Variants in RASA3 observed in about 807,000 individuals in gnomAD.
RASA3 encodes the protein RAS p21 protein activator 3.
RASA3 carries 73 observed loss-of-function variants against 110.0 expected under a neutral mutation model. That is an observed-to-expected ratio of 0.66 (90% CI 0.55 to 0.81). The LOEUF (loss-of-function observed/expected upper bound fraction) is 0.81, where lower values mean the gene tolerates loss of function less well. Ranked by LOEUF, RASA3 falls within the 30% of genes least tolerant of loss-of-function variation. The probability of loss-of-function intolerance (pLI) is 0.00; values close to 1 mark genes in which losing one functional copy is unlikely to be tolerated. For missense variants in RASA3, 976 were observed against 1,113.2 expected, an observed-to-expected ratio of 0.88 and a Z score of 1.75; for synonymous variants, 500 against 451.4, an observed-to-expected ratio of 1.11 and a Z score of -1.37.
chr13:114,108,216 T>G (rs1594464422), intron 1 of RASA3, among the ~76,000 whole-genome samples: 1 of 129,560 alleles, frequency 7.7e-6, no homozygotes, highest in African/African-American at 3.0e-5. Context: ...CATCACCCCG[T>G]GTCTGTCACC....
intron 1 of RASA3, among the ~76,000 whole-genome samples, chr13:114,098,621 A>G (rs1334385510): frequency 6.6e-6 from 1 of 151,876 alleles, no homozygotes. Flanking sequence ...AGGAAACCCC[A>G]TGGCCGGGAT....
At chr13:113,996,851 G>A in intron 20 of RASA3, 112 bp from the exon 21 acceptor site, 1 of 961,036 alleles carries the variant, frequency 1.0e-6, no homozygotes, top group Non-Finnish European at 1.6e-6. Flanking sequence ...AGGGGACGCT[G>A]AGGGTGCACA....
chr13:114,040,932 C>T, intron 4 of RASA3, 68 bp downstream of exon 4: 1 of 1,451,722 alleles, frequency 6.9e-7, no homozygotes, highest in Non-Finnish European at 9.6e-7. Flanking sequence ...ACAGTCGGAG[C>T]CGGGCCCGTC....
At chr13:113,989,858 G>A (rs887133841) in intron 22 of RASA3, among the ~76,000 whole-genome samples, 1 of 152,218 alleles carries the variant, frequency 6.6e-6, no homozygotes, top group African/African-American at 2.4e-5. Context: ...CTGAGGAGAT[G>A]GGAGATGGTT....
intron 1 of RASA3, among the ~76,000 whole-genome samples, chr13:114,094,195 G>C (rs528158467): frequency 1.3e-5 from 2 of 152,042 alleles, no homozygotes; most frequent in African/African-American, 4.8e-5. Flanking sequence ...TTGTTGTTGT[G>C]GGAAATATGA....
At chr13:114,015,855 C>A (rs1185392341) in intron 13 of RASA3, among the ~76,000 whole-genome samples, 1 of 152,102 alleles carries the variant, frequency 6.6e-6, no homozygotes, top group African/African-American at 2.4e-5. Context: ...GGAGGCAGAG[C>A]TGGTCAGGAT....
intron 1 of RASA3, among the ~76,000 whole-genome samples, chr13:114,075,028 T>C (rs1453887740): frequency 1.3e-5 from 2 of 152,096 alleles, no homozygotes; most frequent in Non-Finnish European, 1.5e-5. Flanking sequence ...TCTGCCTCCG[T>C]CATTTGGCTC....
chr13:114,053,900 C>T (rs1000516660), intron 2 of RASA3, among the ~76,000 whole-genome samples: 1 of 152,208 alleles, frequency 6.6e-6, no homozygotes, highest in African/African-American at 2.4e-5. Flanking sequence ...CTGAGACTAA[C>T]GAATCACCTA....
intron 1 of RASA3, among the ~76,000 whole-genome samples, chr13:114,076,072 C>T (rs574589107): frequency 1.3e-5 from 2 of 152,218 alleles, no homozygotes; most frequent in Admixed American, 1.3e-4. Context: ...CACGGAGCAG[C>T]TCTCAGGGTC....
chr13:114,108,047 G>C (rs1167308613), intron 1 of RASA3, among the ~76,000 whole-genome samples: 2 of 151,926 alleles, frequency 1.3e-5, no homozygotes, highest in Non-Finnish European at 2.9e-5. Flanking sequence ...AAAAACCTGA[G>C]CCCCACTCCT....
chr13:114,042,428 T>A (rs118131505), intron 3 of RASA3, among the ~76,000 whole-genome samples: 4 of 151,888 alleles, frequency 2.6e-5, no homozygotes, highest in Non-Finnish European at 5.9e-5. Flanking sequence ...AGAGCAGGAG[T>A]GAGGAAGGAA....
chr13:114,027,701 G>A (rs901507448), intron 6 of RASA3, 146 bp downstream of exon 6: 2 of 939,014 alleles, frequency 2.1e-6, no homozygotes, highest in South Asian at 1.4e-5. Flanking sequence ...GAGCAATAAA[G>A]AAAACAAAAG....
chr13:114,013,586 C>CCA (rs2053696514), intron 14 of RASA3, among the ~76,000 whole-genome samples: 2 of 85,936 alleles, frequency 2.3e-5, no homozygotes, highest in African/African-American at 1.2e-4. Context: ...GTCTCTCTCT[C>CCA]TCTCTCTCCG....
chr13:114,064,493 C>G (rs12429774), intron 2 of RASA3, among the ~76,000 whole-genome samples: 1 of 152,194 alleles, frequency 6.6e-6, no homozygotes, highest in African/African-American at 2.4e-5. Flanking sequence ...GACAGCCCCC[C>G]GCTGTCCGTG....
intron 11 of RASA3, 30 bp from the exon 12 acceptor site, chr13:114,017,381 T>C (rs751755927): frequency 8.2e-6 from 13 of 1,581,228 alleles, no homozygotes; most frequent in Admixed American, 1.7e-5. Context: ...ACAGCGTTTG[T>C]CTCCTGGGGA....
intron 1 of RASA3, among the ~76,000 whole-genome samples, chr13:114,130,055 T>C (rs1033969212): frequency 1.1e-4 from 17 of 152,194 alleles, no homozygotes; most frequent in African/African-American, 4.1e-4. Flanking sequence ...CATCCTCCAC[T>C]TCGCTTCTAC....
intron 13 of RASA3, 140 bp downstream of exon 13, chr13:114,016,057 G>A (rs541626858): frequency 7.4e-6 from 5 of 678,440 alleles, no homozygotes; most frequent in African/African-American, 1.8e-5. Flanking sequence ...TACTGCAGCC[G>A]GGTGAGGCGG....
At chr13:114,043,837 G>GCCCCCCCCCCCCCCCCCCCCCCCCCGCCT (rs544129523) in intron 3 of RASA3, among the ~76,000 whole-genome samples, 1 of 22,824 alleles carries the variant, frequency 4.4e-5, no homozygotes, top group Non-Finnish European at 7.1e-5. Context: ...CACTCGCTGA[G>GCCCCCCCCCCCCCCCCCCCCCCCCCGCCT]CCCCCCGCCC....
At chr13:114,060,944 C>T (rs1026918075) in intron 2 of RASA3, among the ~76,000 whole-genome samples, 9 of 149,980 alleles carry the variant, frequency 6.0e-5, no homozygotes, top group African/African-American at 1.5e-4. Flanking sequence ...AGCCGGCAGA[C>T]GGAGCCCCCC....
Sources: allele counts gnomAD v4.1 joint callset (sites outside exome capture counted in the v4.1 genomes callset), GRCh38; gene constraint gnomAD v4.1.1; transcripts MANE v1.5; gene names NCBI Gene and HGNC (gene_info 2026-07-23, HGNC 2026-07-21).